Variants in RBFOX1 observed in about 807,000 individuals in gnomAD.
The protein encoded by RBFOX1 is RNA binding fox-1 homolog 1.
RBFOX1 carries 8 observed loss-of-function variants against 57.7 expected under a neutral mutation model. The ratio of observed to expected loss-of-function variants is 0.14; its 90% CI spans 0.08 to 0.25. The LOEUF is 0.25. Ranked by LOEUF, RBFOX1 falls within the 10% of genes least tolerant of loss-of-function variation. RBFOX1 has a pLI of 1.00. For missense variants in RBFOX1, 611 were observed against 548.5 expected (o/e 1.11, Z -1.14); for synonymous variants, 326 against 222.4 (o/e 1.47, Z -4.15).
intron 1 of RBFOX1, among the ~76,000 whole-genome samples, chr16:5,253,360 C>T (rs1192962439): frequency 6.6e-6 from 1 of 152,124 alleles, no homozygotes; most frequent in Non-Finnish European, 1.5e-5. Flanking sequence ...CCATGTTGGC[C>T]AGGCTGGTCT....
chr16:7,556,288 T>A (rs2088446992), intron 5 of RBFOX1, among the ~76,000 whole-genome samples: 1 of 152,198 alleles, frequency 6.6e-6, no homozygotes, highest in African/African-American at 2.4e-5. Flanking sequence ...GCTAGTTCTG[T>A]TTCTTGTACA....
chr16:7,694,493 G>T (rs2215280), intron 14 of RBFOX1, among the ~76,000 whole-genome samples: 152,358 of 152,358 alleles, frequency 1, 76,179 homozygotes, highest in Non-Finnish European at 1. Flanking sequence ...TTCATAACGG[G>T]TTAAAGTCTT....
chr16:5,954,369 G>A (rs972625421), intron 4 of RBFOX1, among the ~76,000 whole-genome samples: 10 of 151,962 alleles, frequency 6.6e-5, no homozygotes, highest in African/African-American at 2.4e-4. Context: ...AGCAGGTGGT[G>A]CCGGGTCTCT....
At chr16:7,220,138 C>T (rs1261925792) in intron 4 of RBFOX1, among the ~76,000 whole-genome samples, 2 of 152,160 alleles carry the variant, frequency 1.3e-5, no homozygotes, top group East Asian at 3.9e-4. Flanking sequence ...TCCTAGCACC[C>T]ATCTCCCCTC....
At chr16:5,772,638 C>G (rs902092211) in intron 3 of RBFOX1, among the ~76,000 whole-genome samples, 6 of 152,140 alleles carry the variant, frequency 3.9e-5, no homozygotes, top group Admixed American at 2.0e-4. Context: ...TGGCGGTGAT[C>G]TATTCTGGAA....
intron 4 of RBFOX1, among the ~76,000 whole-genome samples, chr16:7,442,182 C>T (rs1598496025): frequency 6.6e-6 from 1 of 152,094 alleles, no homozygotes; most frequent in Non-Finnish European, 1.5e-5. Context: ...TTTTGGCCTT[C>T]GTTCTGCCAG....
At chr16:7,382,247 T>G (rs2097792689) in intron 4 of RBFOX1, among the ~76,000 whole-genome samples, 1 of 152,244 alleles carries the variant, frequency 6.6e-6, no homozygotes, top group African/African-American at 2.4e-5. Flanking sequence ...CTCATTATTC[T>G]CAGTTCCACT....
At chr16:6,174,394 A>C (rs901579342) in intron 1 of RBFOX1, among the ~76,000 whole-genome samples, 1 of 152,180 alleles carries the variant, frequency 6.6e-6, no homozygotes, top group Admixed American at 6.5e-5. Flanking sequence ...CAGGAGTTCA[A>C]GACTAGCCTG....
intron 4 of RBFOX1, among the ~76,000 whole-genome samples, chr16:7,278,154 G>A (rs905460124): frequency 5.9e-5 from 9 of 152,240 alleles, no homozygotes; most frequent in African/African-American, 2.2e-4. Flanking sequence ...TAAATTCTGT[G>A]CACGTGGTTT....
At chr16:5,835,121 A>ACC (rs200189080) in intron 3 of RBFOX1, among the ~76,000 whole-genome samples, 2 of 150,820 alleles carry the variant, frequency 1.3e-5, no homozygotes, top group Non-Finnish European at 3.0e-5. Context: ...ATTATATAGG[A>ACC]CCCCCCCCAG....
Position 5,698,214 on chromosome 16 carries a change from G to C in RBFOX1, c.318+99253G>C, listed in dbSNP as rs189183519. 2.6e-5 allele frequency among the ~76,000 whole-genome samples: 4 copies of C among 152,114 alleles called. No homozygotes were observed. The East Asian group carries it at 7.7e-4, about 29-fold the overall frequency. ...AATTTTCTCTTCTTACACTGTTCTT[G>C]TTTGATTTTGTTACTAAGGTAATAC... On this transcript the variant is annotated intron_variant, in intron 3 of 19. Transcript: ENST00000641259.
intron 4 of RBFOX1, among the ~76,000 whole-genome samples, chr16:7,167,713 C>T (rs921885699): frequency 2.6e-5 from 4 of 152,208 alleles, no homozygotes; most frequent in Admixed American, 1.3e-4. Flanking sequence ...TCCAGCCTGA[C>T]ACCTGTTTTT....
intron 3 of RBFOX1, among the ~76,000 whole-genome samples, chr16:6,905,287 G>T (rs1596739978): frequency 6.6e-6 from 1 of 151,816 alleles, no homozygotes; most frequent in African/African-American, 2.4e-5. Flanking sequence ...GCCTCAGTAG[G>T]TCATTCCTGT....
chr16:7,498,946 A>T (rs2069663481), intron 4 of RBFOX1, among the ~76,000 whole-genome samples: 1 of 152,228 alleles, frequency 6.6e-6, no homozygotes, highest in East Asian at 1.9e-4. Context: ...CAACATCCTT[A>T]GCTGTTTACC....
intron 5 of RBFOX1, among the ~76,000 whole-genome samples, chr16:7,539,780 G>A (rs1430186790): frequency 6.6e-6 from 1 of 152,190 alleles, no homozygotes; most frequent in African/African-American, 2.4e-5. Flanking sequence ...TTCAGATGAG[G>A]CTTGGGAGAT....
chr16:7,312,570 C>T (rs557579162), intron 4 of RBFOX1, among the ~76,000 whole-genome samples: 45 of 152,312 alleles, frequency 3.0e-4, no homozygotes, highest in Admixed American at 1.5e-3. Context: ...CTTGGTTCCA[C>T]TACCCTGTTT....
intron 4 of RBFOX1, among the ~76,000 whole-genome samples, chr16:7,257,614 G>A (rs573440398): frequency 4.6e-5 from 7 of 152,134 alleles, no homozygotes; most frequent in South Asian, 2.1e-4. Flanking sequence ...GCCCCTTCCC[G>A]AGAACTGCTC....
intron 4 of RBFOX1, among the ~76,000 whole-genome samples, chr16:7,104,102 A>T (rs542941284): frequency 6.6e-6 from 1 of 152,308 alleles, no homozygotes; most frequent in African/African-American, 2.4e-5. Context: ...TCAGAATAGT[A>T]ATTTAAGAAA....
At position 7,396,604 on chromosome 16, in the gene RBFOX1, T is replaced by G. The variant is rs78826638; in HGVS notation, c.28-121543T>G. Among the ~76,000 whole-genome samples the G allele has an allele frequency of 9.9e-4, 150 of 152,270 alleles. 2 individuals carry two copies. The East Asian group carries it at 0.027, about 27-fold the overall frequency. On this transcript the variant is annotated intron_variant, in intron 4 of 15. Coordinates refer to ENST00000550418, the MANE Select transcript of RBFOX1 (RefSeq NM_018723.4). Reference sequence around the variant, plus strand: ...TTACTTTAAGCTCAGTTTGTACCTTTCCTTGGTTCTGTCAATGGAAATAAG... The same window carrying G: ...TTACTTTAAGCTCAGTTTGTACCTTGCCTTGGTTCTGTCAATGGAAATAAG...
Sources: allele counts gnomAD v4.1 joint callset (sites outside exome capture counted in the v4.1 genomes callset), GRCh38; gene constraint gnomAD v4.1.1; transcripts MANE v1.5; gene names NCBI Gene and HGNC (gene_info 2026-07-23, HGNC 2026-07-21).